The following PCGF5 variants were observed in gnomAD, a reference collection of about 807,000 sequenced individuals.
The protein encoded by PCGF5 is polycomb group ring finger 5.
Under a neutral mutation model 44.3 loss-of-function variants are expected in PCGF5, and 9 were observed. That is an observed-to-expected ratio of 0.20 (90% CI 0.12 to 0.35). The LOEUF is 0.35. Ranked by LOEUF, PCGF5 falls within the 10% of genes least tolerant of loss-of-function variation. The probability of loss-of-function intolerance (pLI) is 1.00; values close to 1 mark genes in which losing one functional copy is unlikely to be tolerated. For missense variants in PCGF5, 146 were observed against 305.3 expected, an observed-to-expected ratio of 0.48 and a Z score of 3.89; for synonymous variants, 95 against 102.5, an observed-to-expected ratio of 0.93 and a Z score of 0.44.
Position 91,246,656 on chromosome 10 carries a change from A to G in PCGF5, c.210-1849A>G, listed in dbSNP as rs540026920. On this transcript the variant is annotated intron_variant, in intron 3 of 9. Coordinates refer to ENST00000336126, the MANE Select transcript of PCGF5 (RefSeq NM_032373.5). ...ATTGTTGGGAGAATAGGTGGGACAG[A>G]TATTGAGAGGGAGCTCTGAATGTGG... Among the ~76,000 whole-genome samples the G allele has an allele frequency of 1.5e-4, 23 of 152,284 alleles. No homozygotes were observed. The East Asian group carries it at 3.3e-3, about 22-fold the overall frequency.
intron 6 of PCGF5, among the ~76,000 whole-genome samples, chr10:91,261,091 C>T (rs1845898574): frequency 6.6e-6 from 1 of 151,552 alleles, no homozygotes; most frequent in Non-Finnish European, 1.5e-5. Context: ...GCCTATTTGC[C>T]AGGATTTTCC....
intron 1 of PCGF5, among the ~76,000 whole-genome samples, chr10:91,203,905 G>C (rs1368480523): frequency 6.6e-6 from 1 of 152,040 alleles, no homozygotes; most frequent in Non-Finnish European, 1.5e-5. Context: ...ATTTCAGTCA[G>C]GCCCACATTT....
intron 1 of PCGF5, among the ~76,000 whole-genome samples, chr10:91,174,973 T>C (rs1015257326): frequency 6.6e-6 from 1 of 152,204 alleles, no homozygotes; most frequent in Non-Finnish European, 1.5e-5. Flanking sequence ...TGCCTTAGTA[T>C]AACAGAGGAA....
At chr10:91,181,667 C>G (rs2063619546) in intron 1 of PCGF5, among the ~76,000 whole-genome samples, 1 of 152,112 alleles carries the variant, frequency 6.6e-6, no homozygotes, top group Admixed American at 6.6e-5. Context: ...TGATAAATTA[C>G]ACTTACTGAT....
At chr10:91,168,035 T>C (rs1000502213) in intron 1 of PCGF5, among the ~76,000 whole-genome samples, 1 of 152,230 alleles carries the variant, frequency 6.6e-6, no homozygotes, top group Non-Finnish European at 1.5e-5. Flanking sequence ...TAGTCTGCAA[T>C]CAATAAATAT....
intron 2 of PCGF5, chr10:91,227,697 T>C (rs1844884539): frequency 9.5e-7 from 1 of 1,049,756 alleles, no homozygotes; most frequent in African/African-American, 1.7e-5. Context: ...CCTAAAGGTA[T>C]CCCGTTGACC....
At chr10:91,158,484 G>C (rs1564620596), upstream of PCGF5, among the ~76,000 whole-genome samples, 1 of 152,178 alleles carries the variant, frequency 6.6e-6, no homozygotes, top group Non-Finnish European at 1.5e-5. Flanking sequence ...AAGTCAGTCA[G>C]TTCAACAACA....
intron 6 of PCGF5, among the ~76,000 whole-genome samples, chr10:91,260,745 G>A (rs1845883015): frequency 1.4e-5 from 2 of 147,184 alleles, no homozygotes; most frequent in African/African-American, 5.0e-5. Flanking sequence ...TCACTCATAG[G>A]TGGGAATTGA....
chr10:91,237,680 GT>G (rs1445267362), intron 2 of PCGF5, among the ~76,000 whole-genome samples: 1 of 151,954 alleles, frequency 6.6e-6, no homozygotes, highest in Non-Finnish European at 1.5e-5. Flanking sequence ...GGAGGCAGAG[GT>G]TGCAGTGAGC....
At chr10:91,221,076 G>T (rs1844662388) in intron 1 of PCGF5, among the ~76,000 whole-genome samples, 1 of 151,618 alleles carries the variant, frequency 6.6e-6, no homozygotes, top group Non-Finnish European at 1.5e-5. Flanking sequence ...GCTCTCCCCG[G>T]CCTGAGCAGC....
chr10:91,216,682 G>T (rs537637939), upstream of PCGF5, among the ~76,000 whole-genome samples: 9 of 152,262 alleles, frequency 5.9e-5, no homozygotes, highest in South Asian at 1.7e-3. Flanking sequence ...TAAACAGAGG[G>T]ATTTAAGAGA....
intron 1 of PCGF5, among the ~76,000 whole-genome samples, chr10:91,213,051 A>G (rs1844481427): frequency 6.6e-6 from 1 of 152,226 alleles, no homozygotes; most frequent in Admixed American, 6.5e-5. Context: ...CTTATTCTGA[A>G]TATTATAGAT....
At chr10:91,185,313 G>A (rs113977802) in intron 1 of PCGF5, among the ~76,000 whole-genome samples, 4,302 of 152,310 alleles carry the variant, frequency 0.028, 178 homozygotes, top group African/African-American at 0.098. Flanking sequence ...GAGCAGCTGT[G>A]CTGTGCTGGG....
chr10:91,167,736 T>C lies in PCGF5; in HGVS notation c.-184+4655T>C, dbSNP rs12265272. On this transcript the variant is annotated intron_variant, in intron 1 of 9. Transcript: ENST00000614189. ...AGATAAGTATCAGAAATATTTTAAA[T>C]GGGGGAATGATGTGATCAAGACTAT... Among the ~76,000 whole-genome samples, 1,139 of 152,260 alleles carry C rather than the reference T, an allele frequency of 7.5e-3. 19 individuals carry two copies. The highest frequency in any genetic ancestry group is 0.026 in the African/African-American group (1,093 of 41,556).
At chr10:91,262,336 G>A (rs1440652233) in intron 7 of PCGF5, among the ~76,000 whole-genome samples, 1 of 152,110 alleles carries the variant, frequency 6.6e-6, no homozygotes, top group Non-Finnish European at 1.5e-5. Flanking sequence ...CAAGGCAAGA[G>A]TCACTTAGGT....
intron 1 of PCGF5, among the ~76,000 whole-genome samples, chr10:91,203,098 TC>T (rs1844282500): frequency 6.6e-6 from 1 of 152,200 alleles, no homozygotes; most frequent in South Asian, 2.1e-4. Context: ...TCAGCCACAA[TC>T]TACCAGCAAA....
intron 2 of PCGF5, among the ~76,000 whole-genome samples, chr10:91,228,485 C>G (rs1844909925): frequency 6.6e-6 from 1 of 152,052 alleles, no homozygotes; most frequent in African/African-American, 2.4e-5. Flanking sequence ...AATCCCTAAC[C>G]TAAGAATAAA....
At chr10:91,199,487 T>A (rs1386517578) in intron 1 of PCGF5, among the ~76,000 whole-genome samples, 2 of 152,222 alleles carry the variant, frequency 1.3e-5, no homozygotes, top group Non-Finnish European at 2.9e-5. Flanking sequence ...GGAGGATCTT[T>A]GCAGCTGAGG....
At chr10:91,226,479 A>G (rs1844844145) in intron 2 of PCGF5, among the ~76,000 whole-genome samples, 1 of 152,120 alleles carries the variant, frequency 6.6e-6, no homozygotes. Context: ...GTAGTGGTGC[A>G]GAGGACTACT....
Sources: gnomAD v4.1 joint callset for allele counts (sites outside exome capture counted in the v4.1 genomes callset) on GRCh38, gnomAD v4.1.1 for gene constraint, MANE v1.5 for transcripts, NCBI Gene and HGNC (gene_info 2026-07-23, HGNC 2026-07-21) for gene names.